The following EPHA6 variants were observed in gnomAD, a reference collection of about 807,000 sequenced individuals.
The protein encoded by EPHA6 is EPH receptor A6.
EPHA6 carries 50 observed loss-of-function variants against 112.0 expected under a neutral mutation model. The ratio of observed to expected loss-of-function variants is 0.45; its 90% CI spans 0.36 to 0.56. EPHA6 has a LOEUF of 0.56. Among genes scored for constraint, EPHA6 ranks in the 20% least tolerant of loss-of-function variants. The pLI, the probability that EPHA6 is intolerant of heterozygous loss-of-function variation, is 0.00. For synonymous variants in EPHA6, 529 were observed against 490.7 expected (o/e 1.08, Z -1.03); for missense variants, 1,280 against 1,417.4 (o/e 0.90, Z 1.56).
chr3:97,123,504 C>T (rs1455126086), intron 3 of EPHA6, among the ~76,000 whole-genome samples: 1 of 151,928 alleles, frequency 6.6e-6, no homozygotes, highest in Non-Finnish European at 1.5e-5. Flanking sequence ...AAATTAGGAG[C>T]ATAGAAACTT....
intron 14 of EPHA6, among the ~76,000 whole-genome samples, chr3:97,692,299 T>A (rs1016769115): frequency 1.3e-5 from 2 of 152,214 alleles, no homozygotes; most frequent in African/African-American, 4.8e-5. Flanking sequence ...ATTCCTCTAA[T>A]CTTATGTAAG....
intron 3 of EPHA6, among the ~76,000 whole-genome samples, chr3:97,211,213 G>A (rs759940392): frequency 1.3e-5 from 2 of 152,106 alleles, no homozygotes; most frequent in Non-Finnish European, 2.9e-5. Flanking sequence ...GAAAAATATT[G>A]TTGGGGCATT....
intron 9 of EPHA6, chr3:97,481,468 G>A: frequency 7.9e-7 from 1 of 1,265,536 alleles, no homozygotes; most frequent in Non-Finnish European, 1.1e-6. Flanking sequence ...ATATTTCAGA[G>A]GCAATAAGGA....
intron 4 of EPHA6, among the ~76,000 whole-genome samples, chr3:97,236,898 C>T (rs1323316224): frequency 6.6e-6 from 1 of 152,010 alleles, no homozygotes; most frequent in Non-Finnish European, 1.5e-5. Flanking sequence ...CTAGCCACAT[C>T]GCCGCTCCTA....
At chr3:97,053,997 T>C (rs1013728508) in intron 3 of EPHA6, among the ~76,000 whole-genome samples, 1 of 152,090 alleles carries the variant, frequency 6.6e-6, no homozygotes, top group African/African-American at 2.4e-5. Context: ...ACCAGGGTTC[T>C]TTCTGTTATA....
intron 7 of EPHA6, among the ~76,000 whole-genome samples, chr3:97,470,948 G>T (rs2091211736): frequency 6.6e-6 from 1 of 151,546 alleles, no homozygotes; most frequent in Non-Finnish European, 1.5e-5. Flanking sequence ...TCTTTTTAGG[G>T]ACAAGTTTGC....
intron 7 of EPHA6, among the ~76,000 whole-genome samples, chr3:97,471,921 T>C (rs1269303028): frequency 1.3e-5 from 2 of 151,790 alleles, no homozygotes; most frequent in Non-Finnish European, 3.0e-5. Flanking sequence ...CCAAAGTTTC[T>C]AAGAGAGACT....
At chr3:97,061,572 A>G (rs1431588896) in intron 3 of EPHA6, among the ~76,000 whole-genome samples, 2 of 152,180 alleles carry the variant, frequency 1.3e-5, no homozygotes, top group South Asian at 2.1e-4. Flanking sequence ...AAATAACACT[A>G]CCACTATATG....
At chr3:97,179,757 CTCT>C (rs2076937300) in intron 3 of EPHA6, among the ~76,000 whole-genome samples, 2 of 149,502 alleles carry the variant, frequency 1.3e-5, no homozygotes, top group African/African-American at 4.9e-5. Flanking sequence ...CTCTCTCTCT[CTCT>C]CCTGAACCAC....
At chr3:97,266,414 C>A (rs1466724315) in intron 5 of EPHA6, among the ~76,000 whole-genome samples, 1 of 151,750 alleles carries the variant, frequency 6.6e-6, no homozygotes, top group Non-Finnish European at 1.5e-5. Flanking sequence ...GTAATGGTGA[C>A]AAGTAAAATG....
chr3:97,615,365 G>A (rs550359997), intron 13 of EPHA6, among the ~76,000 whole-genome samples: 52 of 152,234 alleles, frequency 3.4e-4, no homozygotes, highest in African/African-American at 1.1e-3. Flanking sequence ...ATATACGTGG[G>A]CTCTGGGGTC....
chr3:97,406,139 G>A (rs964109839), intron 6 of EPHA6, among the ~76,000 whole-genome samples: 2 of 152,138 alleles, frequency 1.3e-5, no homozygotes, highest in Non-Finnish European at 2.9e-5. Context: ...CTTACTAGAA[G>A]CAAAGGAAAT....
intron 14 of EPHA6, among the ~76,000 whole-genome samples, chr3:97,712,127 A>G (rs749128715): frequency 1.8e-4 from 27 of 152,156 alleles, no homozygotes; most frequent in Non-Finnish European, 3.2e-4. Flanking sequence ...CCCCTTTATG[A>G]TTTATGTTGT....
intron 14 of EPHA6, among the ~76,000 whole-genome samples, chr3:97,676,319 C>A (rs1221993797): frequency 1.3e-5 from 2 of 151,958 alleles, no homozygotes; most frequent in Non-Finnish European, 2.9e-5. Flanking sequence ...TCATGGGATC[C>A]AAGTGAAGGA....
chr3:97,031,579 T>A (rs2044845391), intron 3 of EPHA6, among the ~76,000 whole-genome samples: 1 of 151,864 alleles, frequency 6.6e-6, no homozygotes, highest in Non-Finnish European at 1.5e-5. Context: ...GAATCTACAA[T>A]GAACTCAAAC....
At chr3:96,835,555 G>A (rs1206519406) in intron 1 of EPHA6, among the ~76,000 whole-genome samples, 1 of 151,978 alleles carries the variant, frequency 6.6e-6, no homozygotes, top group Non-Finnish European at 1.5e-5. Context: ...ACTGTGAGGG[G>A]TAATGAGGCA....
intron 8 of EPHA6, 146 bp downstream of exon 8, chr3:97,475,606 A>G: frequency 3.6e-6 from 2 of 562,574 alleles, no homozygotes; most frequent in Non-Finnish European, 6.2e-6. Flanking sequence ...GTGAACCATC[A>G]TTAGTTCTCT....
At chr3:97,668,967 A>C (rs1461278122) in intron 14 of EPHA6, among the ~76,000 whole-genome samples, 2 of 149,748 alleles carry the variant, frequency 1.3e-5, no homozygotes, top group Non-Finnish European at 3.0e-5. Context: ...GCCAATGAAA[A>C]TCCTTTTCTA....
intron 3 of EPHA6, among the ~76,000 whole-genome samples, chr3:97,211,318 A>C (rs750282081): frequency 1.3e-5 from 2 of 152,152 alleles, no homozygotes; most frequent in South Asian, 2.1e-4. Context: ...CCTTCTGATC[A>C]TTTTATACAT....
Sources: gnomAD v4.1 joint callset for allele counts (sites outside exome capture counted in the v4.1 genomes callset) on GRCh38, gnomAD v4.1.1 for gene constraint, MANE v1.5 for transcripts, NCBI Gene and HGNC (gene_info 2026-07-23, HGNC 2026-07-21) for gene names.